The following BCAS3 variants were observed in gnomAD, a reference collection of about 807,000 sequenced individuals.
The protein encoded by BCAS3 is BCAS4/BCAS3 fusion.
BCAS3 carries 53 observed loss-of-function variants against 116.1 expected under a neutral mutation model. The ratio of observed to expected loss-of-function variants is 0.46; its 90% CI spans 0.37 to 0.57. The LOEUF (loss-of-function observed/expected upper bound fraction) is 0.57. Among genes scored for constraint, BCAS3 ranks in the 20% least tolerant of loss-of-function variants. BCAS3 has a pLI of 0.00. For missense variants in BCAS3, 917 were observed against 1,165.4 expected (o/e 0.79, Z 3.10); for synonymous variants, 391 against 408.2 (o/e 0.96, Z 0.51).
At chr17:60,921,333 CACTT>C (rs1599697623) in intron 12 of BCAS3, among the ~76,000 whole-genome samples, 1 of 152,136 alleles carries the variant, frequency 6.6e-6, no homozygotes, top group East Asian at 1.9e-4. Flanking sequence ...TCCATATTCT[CACTT>C]ATAAGTGGGA....
chr17:61,060,849 T>C (rs2069944692), intron 19 of BCAS3, among the ~76,000 whole-genome samples: 1 of 152,158 alleles, frequency 6.6e-6, no homozygotes, highest in Middle Eastern at 3.2e-3. Flanking sequence ...TTTTTAAAGA[T>C]CACAACTCCC....
At chr17:61,267,913 G>A (rs192937824) in intron 22 of BCAS3, among the ~76,000 whole-genome samples, 5 of 151,870 alleles carry the variant, frequency 3.3e-5, no homozygotes, top group South Asian at 4.2e-4. Flanking sequence ...ATAGGTCTTC[G>A]TGTGTACAAA....
rs1421420582 is a variant in BCAS3, at chr17:61,083,959, ATCC to A, written c.2328-506_2328-504del. On this transcript the variant is annotated intron_variant, in intron 21 of 23. Transcript: ENST00000407086. This position sits in a 1 kb window ranked among gnomAD's most constrained non-coding sequence, Gnocchi z 4.9. ...ACCCCGGCCACAGTACATCTTTGTTATCCTATGCTTACTGTCAGATATAAAGTA... is the reference window on the plus strand; with the variant it reads ...ACCCCGGCCACAGTACATCTTTGTTATATGCTTACTGTCAGATATAAAGTA... 1.3e-5 allele frequency among the ~76,000 whole-genome samples: 2 copies of A among 152,242 alleles called. No individual in the cohort carries two copies. Among genetic ancestry groups the A allele is most frequent in the African/African-American group, 4.8e-5 (2 of 41,550 alleles).
chr17:60,848,987 G>C (rs1250462167), intron 7 of BCAS3, among the ~76,000 whole-genome samples: 1 of 152,194 alleles, frequency 6.6e-6, no homozygotes, highest in South Asian at 2.1e-4. Context: ...GATGCAAAAC[G>C]AGAGTCCTTG....
intron 14 of BCAS3, among the ~76,000 whole-genome samples, chr17:60,975,084 C>G (rs1269241018): frequency 6.6e-6 from 1 of 151,028 alleles, no homozygotes; most frequent in Non-Finnish European, 1.5e-5. Flanking sequence ...TCACTGCAAG[C>G]TCCGCCTCCC....
rs2072904936 is a variant in BCAS3, at chr17:61,084,319, G to T, written c.2328-148G>T. ...GTTTTATCCTTGTGCAGCAATTAGG[G>T]ACTGCAGCTCCCCTGTTTGTCTTGT... On this transcript the variant is annotated intron_variant, in intron 21 of 23. Coordinates refer to ENST00000407086, the MANE Select transcript of BCAS3 (RefSeq NM_017679.5). This position sits in a 1 kb window ranked among gnomAD's most constrained non-coding sequence, Gnocchi z 5.5. 1.6e-5 allele frequency: 10 copies of T among 610,462 alleles called. No homozygotes were observed. The highest frequency in any genetic ancestry group is 2.6e-5 in the Non-Finnish European group (9 of 352,510). The allele number at this position is 610,462 out of a possible 1,614,324, so 37.8% of individuals were successfully genotyped here. A position where few individuals can be genotyped will look rare whatever the true frequency, so the allele number is the denominator to read the frequency against.
intron 22 of BCAS3, among the ~76,000 whole-genome samples, chr17:61,270,846 G>T (rs1337905376): frequency 6.6e-6 from 1 of 152,032 alleles, no homozygotes; most frequent in Admixed American, 6.6e-5. Context: ...AAGTAGCTGG[G>T]ATTACAGGCT....
At chr17:61,183,191 T>G (rs2079576493) in intron 22 of BCAS3, among the ~76,000 whole-genome samples, 1 of 152,174 alleles carries the variant, frequency 6.6e-6, no homozygotes, top group African/African-American at 2.4e-5. Context: ...ATCTATAGTT[T>G]CTTGCTTTTA....
rs2064807271 is a variant in BCAS3, at chr17:61,007,615, A to T, written c.1487-8136A>T. ...ACACTTTTAATTCTAGTGACATTTA[A>T]TAAGCCCTAGGCAAAGCTCCATGCA... On this transcript the variant is annotated intron_variant, in intron 15 of 23. Transcript: ENST00000407086. This position sits in a 1 kb window ranked among gnomAD's most constrained non-coding sequence, Gnocchi z 4.3. Among the ~76,000 whole-genome samples, 1 of 151,956 alleles carries T rather than the reference A, an allele frequency of 6.6e-6. No homozygotes were observed. Among genetic ancestry groups the T allele is most frequent in the Admixed American group, 6.6e-5 (1 of 15,236 alleles).
chr17:61,253,311 G>C (rs1413593417), intron 22 of BCAS3, among the ~76,000 whole-genome samples: 1 of 151,584 alleles, frequency 6.6e-6, no homozygotes, highest in Non-Finnish European at 1.5e-5. Context: ...CCAACACTTT[G>C]GGAGGCCGAG....
intron 7 of BCAS3, among the ~76,000 whole-genome samples, chr17:60,831,450 T>G (rs1232402088): frequency 6.6e-6 from 1 of 152,242 alleles, no homozygotes; most frequent in Non-Finnish European, 1.5e-5. Context: ...GTGCTGAGAT[T>G]ACAGGCATGA....
At chr17:61,194,252 CCTCA>C (rs1601837306) in intron 22 of BCAS3, among the ~76,000 whole-genome samples, 1 of 152,286 alleles carries the variant, frequency 6.6e-6, no homozygotes, top group African/African-American at 2.4e-5. Flanking sequence ...TTCATTCTTT[CCTCA>C]CTATTACAAA....
At chr17:61,166,618 G>A (rs967345003) in intron 22 of BCAS3, among the ~76,000 whole-genome samples, 11 of 151,746 alleles carry the variant, frequency 7.2e-5, no homozygotes, top group Admixed American at 6.6e-4. Flanking sequence ...GGCTGGTCTC[G>A]AACTCCTGAC....
Position 61,314,130 on chromosome 17 carries a change from A to G in BCAS3, c.2426-54197A>G, listed in dbSNP as rs540685693. 1.2e-3 allele frequency among the ~76,000 whole-genome samples: 187 copies of G among 152,308 alleles called. 2 individuals carry two copies. Among genetic ancestry groups the G allele is most frequent in the South Asian group, 2.5e-3 (12 of 4,826 alleles). On this transcript the variant is annotated intron_variant, in intron 22 of 23. Coordinates refer to ENST00000407086, the MANE Select transcript of BCAS3 (RefSeq NM_017679.5). The stretch of plus-strand genomic sequence containing the variant: ...TGATGCTTTAGAAACCGAGGCACAC[A>G]CTGGGGAAGTGACTTGAGCAGAGTC...
chr17:61,234,084 A>G (rs1304741222), intron 22 of BCAS3, among the ~76,000 whole-genome samples: 3 of 152,126 alleles, frequency 2.0e-5, no homozygotes, highest in Admixed American at 2.0e-4. Flanking sequence ...GATATTAAAG[A>G]TTAGTACTGG....
chr17:60,857,902 T>C (rs1021553137), intron 7 of BCAS3, among the ~76,000 whole-genome samples: 2 of 152,210 alleles, frequency 1.3e-5, no homozygotes, highest in Non-Finnish European at 2.9e-5. Context: ...TGAGCTTTCG[T>C]AACATTTGTT....
In BCAS3 at chr17:61,332,895, C is replaced by A. The variant is rs955126165; in HGVS notation, c.2426-35432C>A. On this transcript the variant is annotated intron_variant, in intron 22 of 23. Transcript: ENST00000407086. This position sits in a 1 kb window ranked among gnomAD's most constrained non-coding sequence, Gnocchi z 5.4. Reference sequence around the variant, plus strand: ...CCTCCCAAAGTGCTGGGATTATAGGCGTGAGCCATGGCACCCGGCCTATCC... The same window carrying A: ...CCTCCCAAAGTGCTGGGATTATAGGAGTGAGCCATGGCACCCGGCCTATCC... Among the ~76,000 whole-genome samples the A allele has an allele frequency of 6.6e-6, 1 of 152,266 alleles. No homozygotes were observed. The highest frequency in any genetic ancestry group is 2.4e-5 in the African/African-American group (1 of 41,562).
At chr17:61,074,461 G>A (rs1438542495) in intron 19 of BCAS3, among the ~76,000 whole-genome samples, 1 of 152,130 alleles carries the variant, frequency 6.6e-6, no homozygotes. Flanking sequence ...TAAGAATCAT[G>A]AAAACTACTC....
chr17:61,066,775 A>G (rs958477319), intron 19 of BCAS3, among the ~76,000 whole-genome samples: 4 of 151,858 alleles, frequency 2.6e-5, no homozygotes, highest in Non-Finnish European at 4.4e-5. Flanking sequence ...CTTTTGGGGG[A>G]AAAATTGAAA....
Sources: allele counts gnomAD v4.1 joint callset (sites outside exome capture counted in the v4.1 genomes callset), GRCh38; gene constraint gnomAD v4.1.1; non-coding constraint Gnocchi (gnomAD v3.1); transcripts MANE v1.5; gene names NCBI Gene and HGNC (gene_info 2026-07-23, HGNC 2026-07-21).